GDA: variants seen among roughly 807,000 people sequenced by gnomAD.
The protein encoded by GDA is cytoplasmic PSD-95 interactor.
Under a neutral mutation model 59.6 loss-of-function variants are expected in GDA, and 18 were observed. That is an observed-to-expected ratio of 0.30 (90% CI 0.21 to 0.45). GDA has a LOEUF of 0.45. Among genes scored for constraint, GDA ranks in the 20% least tolerant of loss-of-function variants. GDA has a pLI of 1.00. For synonymous variants in GDA, 201 were observed against 201.1 expected (o/e 1.00, Z 0.00); for missense variants, 427 against 552.3 (o/e 0.77, Z 2.27).
chr9:72,143,161 C>T (rs1265084312), intron 1 of GDA, among the ~76,000 whole-genome samples: 15 of 145,694 alleles, frequency 1.0e-4, no homozygotes, highest in Admixed American at 2.8e-4. Context: ...TGGATTTTCC[C>T]TCTTGTTGCC....
chr9:72,166,032 A>G (rs1006385209), intron 1 of GDA, among the ~76,000 whole-genome samples: 3 of 152,186 alleles, frequency 2.0e-5, no homozygotes, highest in Non-Finnish European at 2.9e-5. Flanking sequence ...CTGTACAATG[A>G]AGATTTAATC....
At chr9:72,241,438 C>T (rs1189437419) in intron 11 of GDA, 140 bp downstream of exon 11, 1 of 574,706 alleles carries the variant, frequency 1.7e-6, no homozygotes, top group Non-Finnish European at 2.9e-6. Flanking sequence ...ATACCCAGAA[C>T]TCAGCCAGTA....
chr9:72,165,287 A>G lies in GDA; in HGVS notation c.123+15605A>G, dbSNP rs141798551. Among the ~76,000 whole-genome samples the G allele has an allele frequency of 1.2e-3, 184 of 152,354 alleles. 1 individual carries two copies. Among genetic ancestry groups the G allele is most frequent in the Admixed American group, 1.6e-3 (25 of 15,306 alleles). ...GGCAAATATATGTGTCAGAGCTTAG[A>G]GTTAGTTGCAGCCTTCTTAATAATC... On this transcript the variant is annotated intron_variant, in intron 1 of 13. Coordinates refer to ENST00000358399, the MANE Select transcript of GDA (RefSeq NM_004293.5).
chr9:72,158,664 A>G (rs553213705), intron 1 of GDA, among the ~76,000 whole-genome samples: 55 of 152,040 alleles, frequency 3.6e-4, no homozygotes, highest in African/African-American at 1.3e-3. Context: ...GTGTGTTGTT[A>G]TTATTTTTCT....
chr9:72,136,876 G>A (rs779350809), intron 1 of GDA, among the ~76,000 whole-genome samples: 2 of 152,110 alleles, frequency 1.3e-5, no homozygotes, highest in Non-Finnish European at 2.9e-5. Flanking sequence ...CCGGGAGGCT[G>A]AGGCAGGAGA....
At chr9:72,204,104 C>T (rs958419766) in intron 3 of GDA, among the ~76,000 whole-genome samples, 6 of 151,996 alleles carry the variant, frequency 3.9e-5, no homozygotes, top group Non-Finnish European at 5.9e-5. Context: ...CATGAGCCAC[C>T]GCGCCCGGCC....
At position 72,241,163 on chromosome 9, in the gene GDA, G is replaced by C; in HGVS notation, c.1000G>C (p.Gly334Arg). The C allele has an allele frequency of 6.3e-7, 1 of 1,595,774 alleles. No individual in the cohort carries two copies. Among genetic ancestry groups the C allele is most frequent in the Non-Finnish European group, 8.6e-7 (1 of 1,166,036 alleles). The stretch of plus-strand genomic sequence containing the variant: ...TTTACCTACTGCAGACGTGGCTGGT[G>C]GCTATTCATATTCCATGCTTGATGC... Reference protein sequence around the residue: ...KIGLGTDVAGGYSYSMLDAIR... With the variant: ...KIGLGTDVAGRYSYSMLDAIR... Residue 334 changes from glycine (G) to arginine (R), a missense_variant, in exon 11 of 14, where the codon GGC becomes CGC. By Grantham distance (125) the Gly-to-Arg change is moderately radical. Transcript: ENST00000358399.
At position 72,223,186 on chromosome 9, in the gene GDA, G is replaced by A; in HGVS notation, c.673G>A (p.Glu225Lys). The A allele has an allele frequency of 6.2e-7, 1 of 1,613,156 alleles. No individual in the cohort carries two copies. The highest frequency in any genetic ancestry group is 8.5e-7 in the Non-Finnish European group (1 of 1,179,192). ...CTCCTGCTCTGAGACTTTGATGGGT[G>A]AACTGGGCAACATTGCTAAAACCCG... is the stretch of plus-strand genomic sequence containing the variant. ...SLSCSETLMGELGNIAKTRDL... is the reference protein window; with the variant it reads ...SLSCSETLMGKLGNIAKTRDL... The change falls in exon 7 of 14, where the codon GAA becomes AAA. Residue 225 changes from glutamate to lysine, a missense_variant. Coordinates refer to ENST00000358399, the MANE Select transcript of GDA (RefSeq NM_004293.5).
chr9:72,238,483 G>T (rs1340606590), intron 10 of GDA, among the ~76,000 whole-genome samples: 3 of 152,130 alleles, frequency 2.0e-5, no homozygotes, highest in Non-Finnish European at 4.4e-5. Flanking sequence ...TGCTCATGTG[G>T]GAAGCCCATA....
rs201954706 is a variant in GDA, at chr9:72,241,153, C to T, written c.990C>T (p.Asp330=). ...TTGGTTTTATTTTACCTACTGCAGA[C>T]GTGGCTGGTGGCTATTCATATTCCA... ...KHEVKIGLGT[D]VAGGYSYSML... The change falls in exon 11 of 14, where the codon GAC becomes GAT. Residue 330 remains aspartate, a splice_region_variant and synonymous_variant. Transcript: ENST00000358399. 1.8e-5 allele frequency: 29 copies of T among 1,591,126 alleles called. No homozygotes were observed. The East Asian group carries it at 2.9e-4, about 16-fold the overall frequency.
chr9:72,151,855 G>C (rs1215353927), intron 1 of GDA, among the ~76,000 whole-genome samples: 1 of 151,952 alleles, frequency 6.6e-6, no homozygotes. Flanking sequence ...CCCCTGCCTC[G>C]GCCTCCCAAA....
chr9:72,130,246 A>C (rs1324603164), intron 1 of GDA, among the ~76,000 whole-genome samples: 1 of 152,194 alleles, frequency 6.6e-6, no homozygotes, highest in African/African-American at 2.4e-5. Context: ...AAAAATAAAA[A>C]CTAAAAAGTG....
At chr9:72,235,874 C>T (rs934393444) in intron 10 of GDA, among the ~76,000 whole-genome samples, 3 of 152,018 alleles carry the variant, frequency 2.0e-5, no homozygotes, top group African/African-American at 7.2e-5. Flanking sequence ...AAACACTCAT[C>T]TGAAGGAAAA....
chr9:72,157,615 A>AGGGT (rs1262404918), intron 1 of GDA, among the ~76,000 whole-genome samples: 6 of 152,188 alleles, frequency 3.9e-5, no homozygotes, highest in Non-Finnish European at 5.9e-5. Context: ...TCTGAGCTAA[A>AGGGT]ATATAACAGG....
At chr9:72,206,573 G>T (rs572264101) in intron 3 of GDA, among the ~76,000 whole-genome samples, 38 of 152,146 alleles carry the variant, frequency 2.5e-4, no homozygotes, top group African/African-American at 9.2e-4. Flanking sequence ...AGGAGTTCAA[G>T]ACCAGCCTGG....
At chr9:72,215,336 A>AT (rs35547082) in intron 5 of GDA, among the ~76,000 whole-genome samples, 4 of 151,614 alleles carry the variant, frequency 2.6e-5, no homozygotes, top group African/African-American at 4.9e-5. Flanking sequence ...ATAAAGAAGA[A>AT]TTTTTTTTTG....
intron 1 of GDA, among the ~76,000 whole-genome samples, chr9:72,154,785 C>G: frequency 6.6e-6 from 1 of 152,204 alleles, no homozygotes; most frequent in Non-Finnish European, 1.5e-5. Context: ...TCTTTACTGT[C>G]GCTGACTGCT....
At chr9:72,202,484 A>T (rs1026928184) in intron 2 of GDA, 87 bp from the exon 3 acceptor site, 1 of 893,186 alleles carries the variant, frequency 1.1e-6, no homozygotes, top group African/African-American at 1.7e-5. Context: ...GAACAGTGAA[A>T]TCATGCTTGG....
intron 5 of GDA, chr9:72,214,830 T>TCCAAGAGA (rs1835895749): frequency 4.3e-6 from 1 of 233,302 alleles, no homozygotes; most frequent in Non-Finnish European, 8.6e-6. Flanking sequence ...ACCTCCTGTG[T>TCCAAGAGA]TCAAGAGATT....
Sources: allele counts gnomAD v4.1 joint callset (sites outside exome capture counted in the v4.1 genomes callset), GRCh38; gene constraint gnomAD v4.1.1; transcripts MANE v1.5; gene names NCBI Gene and HGNC (gene_info 2026-07-23, HGNC 2026-07-21).